The following MYH15 variants were observed in gnomAD, a reference collection of about 807,000 sequenced individuals.
MYH15 encodes the protein myosin-15.
Under a neutral mutation model 240.5 loss-of-function variants are expected in MYH15, and 227 were observed. The observed-to-expected ratio is 0.94, with a 90% CI of 0.85 to 1.05. The LOEUF (loss-of-function observed/expected upper bound fraction) is 1.05, where lower values mean the gene tolerates loss of function less well. Among genes scored for constraint, MYH15 ranks in the 50% least tolerant of loss-of-function variants. MYH15 has a pLI of 0.00. For missense variants in MYH15, 2,217 were observed against 2,247.5 expected, an observed-to-expected ratio of 0.99 and a Z score of 0.27; for synonymous variants, 785 against 796.7, an observed-to-expected ratio of 0.99 and a Z score of 0.25.
At chr3:108,502,836 C>T (rs923803085) in intron 2 of MYH15, among the ~76,000 whole-genome samples, 1 of 152,114 alleles carries the variant, frequency 6.6e-6, no homozygotes, top group Non-Finnish European at 1.5e-5. Context: ...ACAGTAATCC[C>T]TCTTCTTTTG....
chr3:108,436,951 T>G (rs2082843531), intron 25 of MYH15, among the ~76,000 whole-genome samples: 1 of 152,152 alleles, frequency 6.6e-6, no homozygotes, highest in Admixed American at 6.5e-5. Context: ...TGTCACTGAC[T>G]AGTAGAACTA....
chr3:108,488,733 C>T (rs1223808476), intron 9 of MYH15, among the ~76,000 whole-genome samples: 2 of 152,118 alleles, frequency 1.3e-5, no homozygotes, highest in Non-Finnish European at 2.9e-5. Context: ...GTGAACAATG[C>T]TGCATTGAAC....
chr3:108,445,703 G>T (rs946733681), intron 21 of MYH15, among the ~76,000 whole-genome samples: 1 of 152,020 alleles, frequency 6.6e-6, no homozygotes, highest in African/African-American at 2.4e-5. Flanking sequence ...ATAATAAAAA[G>T]TTTGATGAAA....
chr3:108,457,004 A>G (rs2083027787), intron 18 of MYH15, 121 bp from the exon 19 acceptor site: 1 of 697,382 alleles, frequency 1.4e-6, no homozygotes, highest in Non-Finnish European at 2.5e-6. Flanking sequence ...TTTCCACATG[A>G]TAGGTCATAG....
chr3:108,458,019 G>A (rs554866047), intron 18 of MYH15, among the ~76,000 whole-genome samples: 1 of 152,200 alleles, frequency 6.6e-6, no homozygotes, highest in African/African-American at 2.4e-5. Flanking sequence ...CTGCACTCTA[G>A]TCTCAGCAAC....
chr3:108,449,229 T>C (rs189665825), intron 21 of MYH15, among the ~76,000 whole-genome samples: 322 of 152,082 alleles, frequency 2.1e-3, no homozygotes, highest in Non-Finnish European at 2.7e-3. Context: ...TGGCATTTTT[T>C]ACAGAACTAG....
chr3:108,443,606 A>T (rs1210456937), intron 22 of MYH15, among the ~76,000 whole-genome samples: 1 of 152,194 alleles, frequency 6.6e-6, no homozygotes, highest in African/African-American at 2.4e-5. Flanking sequence ...GGGAGGAGTA[A>T]CATGAAAGAG....
At chr3:108,419,248 A>G (rs1320630884) in intron 28 of MYH15, among the ~76,000 whole-genome samples, 1 of 152,176 alleles carries the variant, frequency 6.6e-6, no homozygotes, top group Non-Finnish European at 1.5e-5. Context: ...ACAAATAAAC[A>G]ATCTGGAACG....
the MYH15 span, chr3:108,549,748 T>C: frequency 6.6e-6 from 1 of 151,882 alleles, no homozygotes; most frequent in African/African-American, 2.4e-5. Flanking sequence ...TCACAGAAAA[T>C]TGTATAGGGT....
At chr3:108,520,426 G>C (rs1559676002) in intron 1 of MYH15, among the ~76,000 whole-genome samples, 1 of 152,138 alleles carries the variant, frequency 6.6e-6, no homozygotes, top group Non-Finnish European at 1.5e-5. Context: ...GGGCAGACCA[G>C]TGCTGAGTCA....
intron 35 of MYH15, among the ~76,000 whole-genome samples, chr3:108,395,581 A>G (rs2082453502): frequency 6.6e-6 from 1 of 151,946 alleles, no homozygotes; most frequent in South Asian, 2.1e-4. Context: ...TAGGGAGACA[A>G]GGGTTTAAAT....
chr3:108,545,167 A>C, the MYH15 span, among the ~76,000 whole-genome samples: 6 of 152,146 alleles, frequency 3.9e-5, no homozygotes, highest in Admixed American at 3.9e-4. Context: ...CTTATAATTG[A>C]TATCTAATAT....
At chr3:108,482,144 G>A (rs1343127954) in intron 11 of MYH15, among the ~76,000 whole-genome samples, 1 of 152,176 alleles carries the variant, frequency 6.6e-6, no homozygotes. Flanking sequence ...ATGAAAAAGA[G>A]AGGAGTCCAG....
chr3:108,543,377 C>G, the MYH15 span: 1 of 152,200 alleles, frequency 6.6e-6, no homozygotes. Context: ...TAAAGAACTT[C>G]TCCTTGGTGA....
chr3:108,408,869 G>A (rs975533712), intron 31 of MYH15, among the ~76,000 whole-genome samples: 1 of 152,186 alleles, frequency 6.6e-6, no homozygotes, highest in Non-Finnish European at 1.5e-5. Flanking sequence ...TCAAGGCATG[G>A]CCCCAGATAG....
rs972221087 is a variant in MYH15 at position 108,467,697 on chromosome 3, T to C, written c.1554+2345A>G. 3.8e-4 allele frequency among the ~76,000 whole-genome samples: 58 copies of C among 152,194 alleles called. 1 individual carries two copies. Among genetic ancestry groups the C allele is most frequent in the Admixed American group, 2.6e-3 (39 of 15,282 alleles). On this transcript the variant is annotated intron_variant, in intron 14 of 40. Coordinates refer to ENST00000693548, the MANE Select transcript of MYH15 (RefSeq NM_014981.3). ...TTTTAAATGTATAACTTGGAGAGTATTTATTAGGAAATAATAGGGAAAATC... is the reference window on the plus strand; with the variant it reads ...TTTTAAATGTATAACTTGGAGAGTACTTATTAGGAAATAATAGGGAAAATC...
intron 18 of MYH15, among the ~76,000 whole-genome samples, chr3:108,458,753 TA>T (rs59862220): frequency 0.087 from 12,772 of 146,408 alleles, 609 homozygotes; most frequent in Middle Eastern, 0.11. Flanking sequence ...TTGAAAACAT[TA>T]AAAAAAAAAA....
chr3:108,395,066 G>A (rs983250113), intron 35 of MYH15, among the ~76,000 whole-genome samples: 4 of 152,086 alleles, frequency 2.6e-5, no homozygotes, highest in Admixed American at 1.3e-4. Flanking sequence ...AGGAGTTTGA[G>A]ACCAGCCTGG....
chr3:108,463,600 G>A (rs1268300676), intron 15 of MYH15, among the ~76,000 whole-genome samples: 1 of 152,126 alleles, frequency 6.6e-6, no homozygotes, highest in Non-Finnish European at 1.5e-5. Context: ...CTCCCAAAGT[G>A]CTGGGATTAC....
Sources: allele counts gnomAD v4.1 joint callset (sites outside exome capture counted in the v4.1 genomes callset), GRCh38; gene constraint gnomAD v4.1.1; transcripts MANE v1.5; gene names NCBI Gene and HGNC (gene_info 2026-07-23, HGNC 2026-07-21).